TRDN: variants seen among roughly 807,000 people sequenced by gnomAD.
TRDN encodes triadin in skeletal muscle.
TRDN carries 161 observed loss-of-function variants against 149.7 expected under a neutral mutation model. The ratio of observed to expected loss-of-function variants is 1.08; its 90% CI spans 0.95 to 1.23. TRDN has a LOEUF of 1.23. Among genes scored for constraint, TRDN ranks in the 50% most tolerant of loss-of-function variants. The pLI is 0.00. For missense variants in TRDN, 896 were observed against 823.5 expected, an observed-to-expected ratio of 1.09 and a Z score of -1.08; for synonymous variants, 294 against 250.5, an observed-to-expected ratio of 1.17 and a Z score of -1.64.
intron 1 of TRDN, among the ~76,000 whole-genome samples, chr6:123,614,856 GA>G (rs1393943846): frequency 2.6e-5 from 4 of 151,928 alleles, no homozygotes; most frequent in Non-Finnish European, 4.4e-5. Context: ...ACATAGTAAA[GA>G]AATAACCAAC....
intron 20 of TRDN, among the ~76,000 whole-genome samples, chr6:123,353,229 G>A (rs1301619028): frequency 6.6e-6 from 1 of 151,844 alleles, no homozygotes; most frequent in South Asian, 2.1e-4. Context: ...AAAATCTTCA[G>A]AGTTCATTAG....
At chr6:123,229,562 C>T (rs1160462038) in intron 38 of TRDN, among the ~76,000 whole-genome samples, 1 of 151,922 alleles carries the variant, frequency 6.6e-6, no homozygotes, top group Non-Finnish European at 1.5e-5. Flanking sequence ...TGTTCTGCAG[C>T]CATGGGTCAA....
intron 1 of TRDN, among the ~76,000 whole-genome samples, chr6:123,605,013 CAT>C (rs752709597): frequency 4.8e-4 from 73 of 151,964 alleles, no homozygotes; most frequent in Non-Finnish European, 6.5e-4. Flanking sequence ...AACACTCACA[CAT>C]ATCTCATTGT....
intron 23 of TRDN, among the ~76,000 whole-genome samples, chr6:123,330,567 T>G: frequency 6.6e-6 from 1 of 152,162 alleles, no homozygotes; most frequent in South Asian, 2.1e-4. Flanking sequence ...GAAAAGAAAG[T>G]TTTAGTTATA....
intron 38 of TRDN, among the ~76,000 whole-genome samples, chr6:123,224,939 G>A (rs565273443): frequency 4.6e-5 from 7 of 151,736 alleles, no homozygotes; most frequent in African/African-American, 1.4e-4. Context: ...TACAGCAAAG[G>A]AAACAATGAA....
rs532366974 is a variant in TRDN at position 123,307,220 on chromosome 6, G to A, written c.1510+9237C>T. ...GCAGTACTTCTTCATAAATACTCAG[G>A]TTTAATTTAATTTATCTTTTCATTA... is the stretch of plus-strand genomic sequence containing the variant. On this transcript the variant is annotated intron_variant, in intron 24 of 40. Transcript: ENST00000334268. Among the ~76,000 whole-genome samples, 114 of 152,068 alleles carry A rather than the reference G, an allele frequency of 7.5e-4. 4 individuals carry two copies. In the South Asian group the frequency reaches 0.023, roughly 31 times the overall value.
chr6:123,558,725 T>C (rs1781813475), intron 2 of TRDN, among the ~76,000 whole-genome samples: 1 of 152,060 alleles, frequency 6.6e-6, no homozygotes, highest in African/African-American at 2.4e-5. Context: ...AGGACTTAAT[T>C]AACCTCACCT....
At chr6:123,356,592 C>T (rs1434227194) in intron 20 of TRDN, among the ~76,000 whole-genome samples, 2 of 140,458 alleles carry the variant, frequency 1.4e-5, no homozygotes, top group African/African-American at 5.2e-5. Flanking sequence ...TAATTCTAAC[C>T]CCATATAATG....
chr6:123,636,095 T>C (rs116530669), intron 1 of TRDN, among the ~76,000 whole-genome samples: 5,021 of 152,048 alleles, frequency 0.033, 282 homozygotes, highest in African/African-American at 0.11. Context: ...TAACACTTAA[T>C]TGCTTTATTT....
At chr6:123,472,581 C>T (rs1777232445) in intron 9 of TRDN, among the ~76,000 whole-genome samples, 2 of 152,234 alleles carry the variant, frequency 1.3e-5, no homozygotes, top group South Asian at 4.1e-4. Flanking sequence ...GAGCCCACCA[C>T]AGCTCAAGGA....
intron 40 of TRDN, among the ~76,000 whole-genome samples, chr6:123,220,512 G>A (rs1775108225): frequency 6.6e-6 from 1 of 151,676 alleles, no homozygotes. Context: ...ATTACTCAAA[G>A]TATCATAAGA....
At chr6:123,524,589 A>T (rs1039015032) in intron 5 of TRDN, among the ~76,000 whole-genome samples, 2 of 152,154 alleles carry the variant, frequency 1.3e-5, no homozygotes, top group African/African-American at 2.4e-5. Flanking sequence ...CCTATTGTCA[A>T]GGTGACTAAG....
intron 2 of TRDN, among the ~76,000 whole-genome samples, chr6:123,551,223 T>TATATATATATATATATATATA (rs1311778479): frequency 2.9e-4 from 40 of 137,436 alleles, no homozygotes; most frequent in African/African-American, 4.4e-4. Context: ...TATATATATA[T>TATATATATATATATATATATA]TGCCTGGTTC....
intron 19 of TRDN, among the ~76,000 whole-genome samples, chr6:123,368,179 C>A (rs1781186492): frequency 6.6e-6 from 1 of 152,100 alleles, no homozygotes; most frequent in Non-Finnish European, 1.5e-5. Flanking sequence ...AGAAGTAATG[C>A]ATATTTATAT....
chr6:123,557,773 A>C (rs1583240304), intron 2 of TRDN, among the ~76,000 whole-genome samples: 3 of 144,892 alleles, frequency 2.1e-5, no homozygotes, highest in African/African-American at 5.2e-5. Flanking sequence ...CCATGTCTCT[A>C]CCCCTTCTCC....
At chr6:123,432,124 T>C (rs942259342) in intron 12 of TRDN, among the ~76,000 whole-genome samples, 1 of 152,162 alleles carries the variant, frequency 6.6e-6, no homozygotes, top group African/African-American at 2.4e-5. Context: ...ACCACAAAGA[T>C]GTTTCAGTGT....
intron 13 of TRDN, among the ~76,000 whole-genome samples, chr6:123,390,122 T>C (rs943848940): frequency 6.6e-6 from 1 of 152,134 alleles, no homozygotes; most frequent in Non-Finnish European, 1.5e-5. Flanking sequence ...CTCTGGTCAA[T>C]GAATTGCTCT....
intron 12 of TRDN, among the ~76,000 whole-genome samples, chr6:123,420,543 A>G (rs1278769390): frequency 6.6e-6 from 1 of 152,242 alleles, no homozygotes; most frequent in Non-Finnish European, 1.5e-5. Context: ...GAGACTGGGA[A>G]TACAATATTT....
chr6:123,274,790 T>C (rs1191185447), intron 26 of TRDN, 120 bp from the exon 27 acceptor site: 2 of 956,072 alleles, frequency 2.1e-6, no homozygotes, highest in East Asian at 5.6e-5. Context: ...GGAGAATTGC[T>C]TGAACCCAGG....
Sources: allele counts gnomAD v4.1 joint callset (sites outside exome capture counted in the v4.1 genomes callset), GRCh38; gene constraint gnomAD v4.1.1; transcripts MANE v1.5; gene names NCBI Gene and HGNC (gene_info 2026-07-23, HGNC 2026-07-21).